MTUS2: variants seen among roughly 807,000 people sequenced by gnomAD.
MTUS2 encodes microtubule associated scaffold protein 2, also known as microtubule-associated tumor suppressor candidate 2.
Under a neutral mutation model 114.1 loss-of-function variants are expected in MTUS2, and 40 were observed. That is an observed-to-expected ratio of 0.35 (90% CI 0.27 to 0.46). The LOEUF (loss-of-function observed/expected upper bound fraction) is 0.46. Ranked by LOEUF, MTUS2 falls within the 20% of genes least tolerant of loss-of-function variation. The pLI is 1.00. For synonymous variants in MTUS2, 688 were observed against 672.0 expected (o/e 1.02, Z -0.37); for missense variants, 1,679 against 1,705.4 (o/e 0.98, Z 0.27).
chr13:29,101,528 T>C (rs1407352265), intron 5 of MTUS2, among the ~76,000 whole-genome samples: 1 of 152,184 alleles, frequency 6.6e-6, no homozygotes, highest in African/African-American at 2.4e-5. Flanking sequence ...AGACTGGTAT[T>C]GTAGACTGCA....
intron 5 of MTUS2, among the ~76,000 whole-genome samples, chr13:29,240,488 TACAAA>T (rs1198774778): frequency 2.0e-5 from 3 of 152,262 alleles, no homozygotes; most frequent in African/African-American, 7.2e-5. Context: ...GATCCTTGTT[TACAAA>T]AGTCAAGTAT....
chr13:28,947,585 T>C (rs1477373585), intron 2 of MTUS2, among the ~76,000 whole-genome samples: 1 of 152,206 alleles, frequency 6.6e-6, no homozygotes, highest in Non-Finnish European at 1.5e-5. Flanking sequence ...AAACAAATTA[T>C]AAGCGAGCTC....
intron 2 of MTUS2, among the ~76,000 whole-genome samples, chr13:28,923,608 A>G (rs1040987805): frequency 1.3e-5 from 2 of 152,202 alleles, no homozygotes; most frequent in African/African-American, 4.8e-5. Context: ...GACGGGGAAG[A>G]CTGTCTGCTG....
chr13:29,354,498 G>A (rs1007130659), intron 7 of MTUS2, among the ~76,000 whole-genome samples: 3 of 152,130 alleles, frequency 2.0e-5, no homozygotes, highest in Non-Finnish European at 2.9e-5. Flanking sequence ...TGTCTAGAGA[G>A]TGGGTTATAT....
intron 2 of MTUS2, among the ~76,000 whole-genome samples, chr13:29,003,679 T>C (rs1014345951): frequency 1.3e-5 from 2 of 152,126 alleles, no homozygotes; most frequent in Non-Finnish European, 2.9e-5. Context: ...GCATGATATT[T>C]TTGGTTGTGA....
intron 8 of MTUS2, among the ~76,000 whole-genome samples, chr13:29,425,377 G>A (rs3125722): frequency 0.18 from 27,596 of 152,046 alleles, 3,004 homozygotes; most frequent in East Asian, 0.51. Flanking sequence ...CTGCACTCCA[G>A]CCTGGGTGAC....
At chr13:29,091,261 C>T (rs992124163) in intron 4 of MTUS2, among the ~76,000 whole-genome samples, 1 of 152,212 alleles carries the variant, frequency 6.6e-6, no homozygotes, top group South Asian at 2.1e-4. Context: ...GTAAATTACC[C>T]ACACTCAGGT....
chr13:29,025,776 C>T lies in MTUS2; in HGVS notation c.1078C>T (p.Leu360Phe). 6.2e-7 allele frequency: 1 copy of T among 1,614,032 alleles called. No homozygotes were observed. The highest frequency in any genetic ancestry group is 8.5e-7 in the Non-Finnish European group (1 of 1,179,910). ...GEAHPEATDA[L>F]GHLLNSDLHH... is the part of the protein sequence containing the mutation. ...AGCACACCCGGAAGCCACCGATGCACTTGGCCATCTGCTGAACAGTGACCT... is the reference window on the plus strand; with the variant it reads ...AGCACACCCGGAAGCCACCGATGCATTTGGCCATCTGCTGAACAGTGACCT... The change falls in exon 3 of 16, where the codon CTT (leucine) becomes TTT (phenylalanine). Residue 360 changes from leucine to phenylalanine, a missense_variant. This residue lies in a region of MTUS2 where 843 missense variants were observed against 770.8 expected (regional missense o/e 1.09). Coordinates refer to ENST00000612955, the MANE Select transcript of MTUS2 (RefSeq NM_001033602.4).
intron 8 of MTUS2, among the ~76,000 whole-genome samples, chr13:29,419,074 C>T (rs1451158337): frequency 6.6e-6 from 1 of 152,132 alleles, no homozygotes; most frequent in Non-Finnish European, 1.5e-5. Context: ...TTTCTTTCAC[C>T]GTTATTCCAT....
At chr13:29,148,576 T>C (rs1892538653) in intron 5 of MTUS2, among the ~76,000 whole-genome samples, 1 of 114,720 alleles carries the variant, frequency 8.7e-6, no homozygotes, top group Non-Finnish European at 2.0e-5. Flanking sequence ...CCTCCCGGGT[T>C]CACGCCATTC....
chr13:29,203,824 C>T (rs1895066667), intron 5 of MTUS2, among the ~76,000 whole-genome samples: 1 of 152,156 alleles, frequency 6.6e-6, no homozygotes, highest in South Asian at 2.1e-4. Flanking sequence ...GCACCCCACC[C>T]TGCTTCATCT....
In MTUS2 at chr13:29,251,292, G is replaced by GATAATAATAATAATAATA. The variant is rs10526021; in HGVS notation, c.2645-30401_2645-30384dup. Among the ~76,000 whole-genome samples, 566 of 146,492 alleles carry GATAATAATAATAATAATA rather than the reference G, an allele frequency of 3.9e-3. 3 individuals are homozygous for GATAATAATAATAATAATA. Among genetic ancestry groups the GATAATAATAATAATAATA allele is most frequent in the African/African-American group, 0.012 (461 of 39,850 alleles). On this transcript the variant is annotated intron_variant, in intron 5 of 15. Transcript: ENST00000612955. The stretch of plus-strand genomic sequence containing the variant: ...TTCTTACCTGTGAAAATGGGATGAT[G>GATAATAATAATAATAATA]ATAATAATAATAATAATAATAATAA...
At chr13:29,387,475 GA>G (rs1324226902) in intron 8 of MTUS2, among the ~76,000 whole-genome samples, 1 of 152,164 alleles carries the variant, frequency 6.6e-6, no homozygotes, top group East Asian at 1.9e-4. Context: ...AAGAACAAGA[GA>G]AAGCCAGTTA....
chr13:29,087,934 C>G (rs533014082), intron 4 of MTUS2, among the ~76,000 whole-genome samples: 1 of 152,122 alleles, frequency 6.6e-6, no homozygotes, highest in East Asian at 1.9e-4. Flanking sequence ...TGGTGGGTGC[C>G]TGTAGTCCCA....
intron 5 of MTUS2, among the ~76,000 whole-genome samples, chr13:29,124,565 C>A (rs1891439053): frequency 6.6e-6 from 1 of 152,112 alleles, no homozygotes. Context: ...TGTCACCCAG[C>A]AATTCCACTA....
At chr13:28,859,142 T>C (rs547865548) in intron 2 of MTUS2, among the ~76,000 whole-genome samples, 34 of 152,194 alleles carry the variant, frequency 2.2e-4, no homozygotes, top group African/African-American at 7.9e-4. Flanking sequence ...CTGAATTAGG[T>C]GTTGCTAGCT....
At chr13:29,438,328 C>T (rs973657634) in intron 8 of MTUS2, among the ~76,000 whole-genome samples, 3 of 152,020 alleles carry the variant, frequency 2.0e-5, no homozygotes, top group African/African-American at 7.2e-5. Context: ...GGGAGGTGTC[C>T]GTTGGGTCTG....
At chr13:28,961,694 T>C (rs1236429377) in intron 2 of MTUS2, among the ~76,000 whole-genome samples, 3 of 152,202 alleles carry the variant, frequency 2.0e-5, no homozygotes, top group Non-Finnish European at 4.4e-5. Context: ...TCCAGTCTTT[T>C]TATTGTACAC....
chr13:28,865,094 T>C (rs1241630318), intron 2 of MTUS2, among the ~76,000 whole-genome samples: 1 of 152,144 alleles, frequency 6.6e-6, no homozygotes, highest in African/African-American at 2.4e-5. Context: ...TGTGTGTCTG[T>C]ATGTATGTGT....
Sources: allele counts gnomAD v4.1 joint callset (sites outside exome capture counted in the v4.1 genomes callset), GRCh38; gene constraint gnomAD v4.1.1; regional missense constraint gnomAD v4.1.1; transcripts MANE v1.5; gene names NCBI Gene and HGNC (gene_info 2026-07-23, HGNC 2026-07-21).